Variants in MBTPS2 observed in about 807,000 individuals in gnomAD.
The protein encoded by MBTPS2 is membrane-bound transcription factor site-2 protease.
MBTPS2 carries 2 observed loss-of-function variants against 35.4 expected under a neutral mutation model. That is an observed-to-expected ratio of 0.06 (90% CI 0.02 to 0.18). The LOEUF (loss-of-function observed/expected upper bound fraction) is 0.18, where lower values mean the gene tolerates loss of function less well. Ranked by LOEUF, MBTPS2 falls within the 10% of genes least tolerant of loss-of-function variation. The pLI, the probability that MBTPS2 is intolerant of heterozygous loss-of-function variation, is 1.00. For missense variants in MBTPS2, 244 were observed against 386.5 expected, an observed-to-expected ratio of 0.63 and a Z score of 3.09; for synonymous variants, 125 against 140.4, an observed-to-expected ratio of 0.89 and a Z score of 0.77.
At chrX:21,877,967 T>C in intron 7 of MBTPS2, 75 bp from the exon 8 acceptor site, 1 of 672,979 alleles carries the variant, frequency 1.5e-6, no homozygotes, top group East Asian at 3.2e-5. Flanking sequence ...CTTATTCTTT[T>C]TGTCTTAAAG....
chrX:21,884,066 T>C lies in MBTPS2; in HGVS notation c.*1411T>C, dbSNP rs969457666. 5.3e-6 allele frequency: 4 copies of C among 751,462 alleles called. No homozygotes were observed. The African/African-American group carries it at 9.2e-5, about 17-fold the overall frequency. 61.9% of individuals were successfully genotyped at this position (751,462 alleles called of 1,213,427 possible). The stretch of plus-strand genomic sequence containing the variant: ...CCATGGGGTTACCTTTTTCAGATTA[T>C]TGAGTTGCTCTGTAAGCACTAAAAC... On this transcript the variant is annotated 3_prime_UTR_variant, in exon 11 of 11. Transcript: ENST00000379484.
At position 21,883,515 on chromosome X, in the gene MBTPS2, A is replaced by T; in HGVS notation, c.*860A>T. The T allele has an allele frequency of 1.3e-6, 1 of 753,636 alleles. No homozygotes were observed. The highest frequency in any genetic ancestry group is 6.8e-5 in the South Asian group (1 of 14,780). The allele number at this position is 753,636 out of a possible 1,213,427, so 62.1% of individuals were successfully genotyped here. ...TCAGCAGTCCTACTTCCCATTCTCTATAGAGCTTTGAAGCTTGGAACCCTT... is the reference window on the plus strand; with the variant it reads ...TCAGCAGTCCTACTTCCCATTCTCTTTAGAGCTTTGAAGCTTGGAACCCTT... On this transcript the variant is annotated 3_prime_UTR_variant, in exon 11 of 11. Coordinates refer to ENST00000379484, the MANE Select transcript of MBTPS2 (RefSeq NM_015884.4).
At chrX:21,846,194 G>T (rs1422485920) in intron 3 of MBTPS2, among the ~76,000 whole-genome samples, 1 of 110,867 alleles carries the variant, frequency 9.0e-6, no homozygotes, top group Middle Eastern at 4.3e-3. Context: ...GATTTAGCAG[G>T]TGAGGCCTCA....
At chrX:21,854,618 G>A (rs2092918331) in intron 5 of MBTPS2, among the ~76,000 whole-genome samples, 1 of 112,177 alleles carries the variant, frequency 8.9e-6, no homozygotes, top group Non-Finnish European at 1.9e-5. Context: ...TATAACAGTT[G>A]TGAATCTTAC....
chrX:21,849,698 C>T (rs1460638226), intron 3 of MBTPS2, among the ~76,000 whole-genome samples: 3 of 109,149 alleles, frequency 2.7e-5, no homozygotes, highest in Admixed American at 2.0e-4. Context: ...GGAATAATGC[C>T]AACTTTCCCA....
At chrX:21,847,970 C>T (rs968591750) in intron 3 of MBTPS2, among the ~76,000 whole-genome samples, 7 of 112,247 alleles carry the variant, frequency 6.2e-5, no homozygotes, top group Admixed American at 5.7e-4. Context: ...TAAGGAAACA[C>T]TTTCAAATAT....
In MBTPS2 at chrX:21,862,909, AATATATAAACATAT is replaced by A. The variant is rs1224882024; in HGVS notation, c.671-5536_671-5523del. Among the ~76,000 whole-genome samples the A allele has an allele frequency of 7.7e-3, 417 of 54,150 alleles. 19 individuals are homozygous for A. The highest frequency in any genetic ancestry group is 0.018 in the South Asian group (14 of 796). The allele number at this position is 54,150 out of a possible 115,157, so 47.0% of individuals were successfully genotyped here. On this transcript the variant is annotated intron_variant, in intron 5 of 10. Coordinates refer to ENST00000379484, the MANE Select transcript of MBTPS2 (RefSeq NM_015884.4). Reference sequence around the variant, plus strand: ...ATACACATATATATAAACATATATAAATATATAAACATATATATATAAACATATATATATATATA... The same window carrying A: ...ATACACATATATATAAACATATATAAATATATAAACATATATATATATATA...
intron 5 of MBTPS2, among the ~76,000 whole-genome samples, chrX:21,867,580 T>C (rs1191227242): frequency 9.2e-6 from 1 of 109,237 alleles, no homozygotes; most frequent in Non-Finnish European, 1.9e-5. Context: ...GATTAATGAA[T>C]TTGAGTACCT....
intron 8 of MBTPS2, among the ~76,000 whole-genome samples, 159 bp from the exon 9 acceptor site, chrX:21,878,338 G>A (rs902874730): frequency 9.0e-6 from 1 of 111,325 alleles, no homozygotes; most frequent in African/African-American, 3.3e-5. Flanking sequence ...ACCCAAATGG[G>A]GTACTTGAAT....
In MBTPS2 at chrX:21,882,696, C is replaced by T. The variant is rs2092960739; in HGVS notation, c.*41C>T. ...GACAGAATCCCTGAGTTACAGTATA[C>T]AGCTATGTGGTAATATTCATTGCCA... On this transcript the variant is annotated 3_prime_UTR_variant, in exon 11 of 11. Transcript: ENST00000379484. The T allele has an allele frequency of 8.3e-7, 1 of 1,207,008 alleles. No homozygotes were observed. The highest frequency in any genetic ancestry group is 1.1e-6 in the Non-Finnish European group (1 of 892,334).
chrX:21,850,815 T>C (rs1305661355), intron 3 of MBTPS2, among the ~76,000 whole-genome samples: 1 of 111,901 alleles, frequency 8.9e-6, no homozygotes, highest in Non-Finnish European at 1.9e-5. Context: ...AACATGTCTG[T>C]AGGTTCCAAA....
At chrX:21,870,015 CG>C (rs1254531391) in intron 7 of MBTPS2, 1 of 187,126 alleles carries the variant, frequency 5.3e-6, no homozygotes, top group African/African-American at 3.1e-5. Flanking sequence ...CTGAGGCGGG[CG>C]GATCACTTGA....
At chrX:21,870,715 A>G (rs1315616257) in intron 7 of MBTPS2, 6 of 112,283 alleles carry the variant, frequency 5.3e-5, no homozygotes, top group Admixed American at 1.9e-4. Flanking sequence ...TTGGCTTCCA[A>G]AAATACCATG....
At chrX:21,857,194 A>C in intron 5 of MBTPS2, 1 of 1,211,924 alleles carries the variant, frequency 8.3e-7, no homozygotes, top group Non-Finnish European at 1.1e-6. Context: ...CAGCTGGCAG[A>C]ATTTACTAAA....
At chrX:21,873,997 G>GTATATATATATA (rs1487065636) in intron 7 of MBTPS2, among the ~76,000 whole-genome samples, 3 of 72,642 alleles carry the variant, frequency 4.1e-5, no homozygotes, top group African/African-American at 1.6e-4. Context: ...GTGTGTGTGT[G>GTATATATATATA]TGTGTATATA....
chrX:21,868,618 T>C, intron 6 of MBTPS2, 33 bp downstream of exon 6: 3 of 980,801 alleles, frequency 3.1e-6, no homozygotes, highest in Non-Finnish European at 4.4e-6. Flanking sequence ...CATTCTTTCA[T>C]CAGATGTTGT....
intron 5 of MBTPS2, chrX:21,857,570 A>G (rs1011735189): frequency 1.2e-5 from 15 of 1,209,007 alleles, no homozygotes; most frequent in Non-Finnish European, 1.7e-5. Context: ...AAACCCACAT[A>G]TTAACGCATG....
chrX:21,862,933 C>CATACATATATATATAT (rs2092934109), intron 5 of MBTPS2, among the ~76,000 whole-genome samples: 1 of 27,675 alleles, frequency 3.6e-5, no homozygotes, highest in Non-Finnish European at 8.7e-5. Flanking sequence ...TATATATAAA[C>CATACATATATATATAT]ATATATATAT....
chrX:21,847,800 G>A (rs2092910199), intron 3 of MBTPS2, among the ~76,000 whole-genome samples: 1 of 111,986 alleles, frequency 8.9e-6, no homozygotes, highest in Admixed American at 9.5e-5. Flanking sequence ...CTGGAAAGAT[G>A]TCTGACAACT....
Sources: gnomAD v4.1 joint callset for allele counts (sites outside exome capture counted in the v4.1 genomes callset) on GRCh38, gnomAD v4.1.1 for gene constraint, MANE v1.5 for transcripts, NCBI Gene and HGNC (gene_info 2026-07-23, HGNC 2026-07-21) for gene names.